The following ATRN variants were observed in gnomAD, a reference collection of about 807,000 sequenced individuals.
ATRN encodes attractin-2.
ATRN carries 54 observed loss-of-function variants against 178.7 expected under a neutral mutation model. The observed-to-expected ratio is 0.30, with a 90% CI of 0.24 to 0.38. The LOEUF is 0.38. ATRN is among the 10% of genes least tolerant of loss of function. The pLI, the probability that ATRN is intolerant of heterozygous loss-of-function variation, is 1.00. For missense variants in ATRN, 1,443 were observed against 1,815.1 expected, an observed-to-expected ratio of 0.79 and a Z score of 3.73; for synonymous variants, 636 against 663.0, an observed-to-expected ratio of 0.96 and a Z score of 0.63.
intron 24 of ATRN, among the ~76,000 whole-genome samples, chr20:3,609,931 G>T (rs1568762766): frequency 6.6e-6 from 1 of 152,146 alleles, no homozygotes; most frequent in Non-Finnish European, 1.5e-5. Context: ...ACAGAAAGTG[G>T]ATTGGAGGTT....
At chr20:3,642,791 ACTACT>A (rs2087079299) in intron 27 of ATRN, among the ~76,000 whole-genome samples, 1 of 152,182 alleles carries the variant, frequency 6.6e-6, no homozygotes, top group Non-Finnish European at 1.5e-5. Flanking sequence ...TCAGTCACAC[ACTACT>A]CTAGGTACTG....
intron 3 of ATRN, among the ~76,000 whole-genome samples, chr20:3,540,775 CGT>C (rs144411631): frequency 2.6e-5 from 4 of 151,006 alleles, no homozygotes; most frequent in Non-Finnish European, 3.0e-5. Context: ...TAATTGTGTG[CGT>C]GTGTGTGTGT....
In ATRN at chr20:3,519,006, T is replaced by TATAAAAAAAAAAAAAAAAAAA. The variant is rs770584938; in HGVS notation, c.411-16246_411-16245insTAAAAAAAAAAAAAAAAAAAA. ...GTGCTTCAATAAACATCCTTATATA[T>TATAAAAAAAAAAAAAAAAAAA]AAAAAAAAAAAAAAGAAAGAAAACT... On this transcript the variant is annotated intron_variant, in intron 1 of 28. Coordinates refer to ENST00000262919, the MANE Select transcript of ATRN (RefSeq NM_139321.3). 4.5e-4 allele frequency among the ~76,000 whole-genome samples: 54 copies of TATAAAAAAAAAAAAAAAAAAA among 119,378 alleles called. 1 individual carries two copies. Among genetic ancestry groups the TATAAAAAAAAAAAAAAAAAAA allele is most frequent in the Non-Finnish European group, 6.5e-4 (38 of 58,054 alleles). 78.3% of individuals were successfully genotyped at this position (119,378 alleles called of 152,430 possible).
At chr20:3,547,512 T>A in intron 5 of ATRN, 23 bp downstream of exon 5, 1 of 1,565,602 alleles carries the variant, frequency 6.4e-7, no homozygotes, top group Non-Finnish European at 8.7e-7. Context: ...TTCATTTTTA[T>A]TTTTTCTTCC....
intron 24 of ATRN, among the ~76,000 whole-genome samples, chr20:3,612,961 T>C (rs1289139284): frequency 6.6e-6 from 1 of 152,180 alleles, no homozygotes; most frequent in Non-Finnish European, 1.5e-5. Context: ...CCCAGTTCCC[T>C]ATTGCTCCAC....
intron 3 of ATRN, among the ~76,000 whole-genome samples, chr20:3,541,497 G>A (rs184217716): frequency 7.7e-4 from 117 of 152,170 alleles, no homozygotes; most frequent in African/African-American, 2.6e-3. Context: ...CAAATAGATG[G>A]TATAGCCTAC....
intron 25 of ATRN, among the ~76,000 whole-genome samples, chr20:3,626,218 T>C (rs1287796912): frequency 3.8e-5 from 5 of 131,812 alleles, no homozygotes; most frequent in Non-Finnish European, 7.8e-5. Flanking sequence ...GGTGACAGAG[T>C]GAGACCCTGT....
intron 1 of ATRN, among the ~76,000 whole-genome samples, chr20:3,491,890 G>A (rs1042348591): frequency 3.3e-5 from 5 of 152,150 alleles, no homozygotes; most frequent in African/African-American, 9.7e-5. Context: ...GTGTAAGGTT[G>A]TATGCAAATA....
chr20:3,646,992 C>T lies in ATRN; in HGVS notation c.*145C>T. 9.2e-7 allele frequency: 1 copy of T among 1,086,330 alleles called. No homozygotes were observed. The highest frequency in any genetic ancestry group is 1.9e-5 in the South Asian group (1 of 52,664). The allele number at this position is 1,086,330 out of a possible 1,614,324, so 67.3% of individuals were successfully genotyped here. A position where few individuals can be genotyped will look rare whatever the true frequency, so the allele number is the denominator to read the frequency against. ...AAAGCATCTGACTCACCTGCATGAT[C>T]ACAAGCTTTCTTTGACGGTTTCTCC... On this transcript the variant is annotated 3_prime_UTR_variant, in exon 29 of 29. Transcript: ENST00000262919.
intron 11 of ATRN, among the ~76,000 whole-genome samples, chr20:3,572,512 G>A (rs1325517777): frequency 6.6e-6 from 1 of 152,068 alleles, no homozygotes; most frequent in East Asian, 1.9e-4. Flanking sequence ...TTTGAAGATT[G>A]TCTGTAAAAA....
intron 24 of ATRN, 32 bp downstream of exon 24, chr20:3,604,294 A>G (rs746417854): frequency 1.9e-6 from 3 of 1,554,446 alleles, no homozygotes; most frequent in African/African-American, 2.8e-5. Flanking sequence ...CATACCTGCA[A>G]AGGTGGTGAA....
chr20:3,485,776 C>T (rs1294672890), intron 1 of ATRN, among the ~76,000 whole-genome samples: 6 of 151,844 alleles, frequency 4.0e-5, no homozygotes, highest in Non-Finnish European at 8.8e-5. Context: ...TGCCTGCCAC[C>T]ATGCCTGGCT....
chr20:3,603,276 C>G (rs1334428707), intron 23 of ATRN, among the ~76,000 whole-genome samples: 1 of 152,124 alleles, frequency 6.6e-6, no homozygotes, highest in African/African-American at 2.4e-5. Flanking sequence ...AGCGGTACAT[C>G]AGCATTACTG....
chr20:3,573,206 A>G (rs577384401), intron 12 of ATRN, among the ~76,000 whole-genome samples: 1 of 152,326 alleles, frequency 6.6e-6, no homozygotes, highest in East Asian at 1.9e-4. Flanking sequence ...TAGGCTTTGC[A>G]TACTGACCCC....
At chr20:3,641,558 T>C (rs998913263) in intron 27 of ATRN, among the ~76,000 whole-genome samples, 2 of 115,610 alleles carry the variant, frequency 1.7e-5, no homozygotes, top group Non-Finnish European at 3.2e-5. Context: ...ACCACTGTAC[T>C]CCAGCCTGGG....
intron 27 of ATRN, among the ~76,000 whole-genome samples, chr20:3,640,277 C>T (rs1486841935): frequency 2.0e-5 from 3 of 152,068 alleles, no homozygotes; most frequent in Non-Finnish European, 4.4e-5. Context: ...AGAGAATTTA[C>T]GAAGTGGAAG....
chr20:3,471,572 G>A, intron 1 of ATRN, 55 bp downstream of exon 1: 1 of 1,364,794 alleles, frequency 7.3e-7, no homozygotes, highest in South Asian at 1.8e-5. Context: ...GGGGCTGAGG[G>A]GCGTTCGAGA....
intron 25 of ATRN, among the ~76,000 whole-genome samples, chr20:3,626,781 CTTTTTTTTT>C (rs33999405): frequency 1.7e-5 from 2 of 118,146 alleles, no homozygotes; most frequent in Admixed American, 9.5e-5. Flanking sequence ...TGAATTATTT[CTTTTTTTTT>C]TTTTTTTTTT....
In ATRN at chr20:3,568,856, A is replaced by G. The variant is rs149591493; in HGVS notation, c.1871+3424A>G. Among the ~76,000 whole-genome samples the G allele has an allele frequency of 2.6e-5, 4 of 152,306 alleles. No homozygotes were observed. In the East Asian group the frequency reaches 7.7e-4, roughly 29 times the overall value. ...CTTCTTACACTTAGGAACACTAGAC[A>G]GCACTTCAGCACTGCATAGGGGGCC... On this transcript the variant is annotated intron_variant, in intron 11 of 28. Coordinates refer to ENST00000262919, the MANE Select transcript of ATRN (RefSeq NM_139321.3).
Sources: allele counts gnomAD v4.1 joint callset (sites outside exome capture counted in the v4.1 genomes callset), GRCh38; gene constraint gnomAD v4.1.1; transcripts MANE v1.5; gene names NCBI Gene and HGNC (gene_info 2026-07-23, HGNC 2026-07-21).